CLASP1: variants seen among roughly 807,000 people sequenced by gnomAD.
CLASP1 encodes CLIP-associating protein 1.
CLASP1 carries 38 observed loss-of-function variants against 192.3 expected under a neutral mutation model. That is an observed-to-expected ratio of 0.20 (90% CI 0.15 to 0.26). The LOEUF (loss-of-function observed/expected upper bound fraction) is 0.26. Among genes scored for constraint, CLASP1 ranks in the 10% least tolerant of loss-of-function variants. The pLI is 1.00. For missense variants in CLASP1, 1,433 were observed against 1,932.5 expected (o/e 0.74, Z 4.85); for synonymous variants, 691 against 712.8 (o/e 0.97, Z 0.49).
At chr2:121,543,624 G>A (rs1056006035) in intron 2 of CLASP1, among the ~76,000 whole-genome samples, 2 of 152,114 alleles carry the variant, frequency 1.3e-5, no homozygotes, top group Middle Eastern at 3.4e-3. Flanking sequence ...AGTCTCCCTA[G>A]ACTCCTCCAA....
intron 2 of CLASP1, among the ~76,000 whole-genome samples, chr2:121,574,418 T>C (rs1351202049): frequency 1.3e-5 from 2 of 151,284 alleles, no homozygotes; most frequent in Non-Finnish European, 2.9e-5. Flanking sequence ...GTGGATCACC[T>C]GAGGTCAGGA....
intron 6 of CLASP1, among the ~76,000 whole-genome samples, chr2:121,522,289 T>C (rs1393195458): frequency 6.6e-6 from 1 of 152,130 alleles, no homozygotes; most frequent in Admixed American, 6.5e-5. Flanking sequence ...ACCAACCTCA[T>C]CTTATGGATG....
chr2:121,378,875 A>G (rs943675223), intron 33 of CLASP1, among the ~76,000 whole-genome samples: 1 of 152,108 alleles, frequency 6.6e-6, no homozygotes, highest in African/African-American at 2.4e-5. Flanking sequence ...CCTAAGGGCA[A>G]CACAACCAAT....
At chr2:121,555,383 TG>T (rs2105227640) in intron 2 of CLASP1, among the ~76,000 whole-genome samples, 1 of 152,344 alleles carries the variant, frequency 6.6e-6, no homozygotes, top group South Asian at 2.1e-4. Context: ...CAGGCTCATT[TG>T]TGACCTCTGA....
chr2:121,387,344 GT>G (rs911957870), intron 31 of CLASP1, 116 bp from the exon 33 acceptor site: 922 of 654,306 alleles, frequency 1.4e-3, no homozygotes, highest in South Asian at 1.9e-3. Context: ...GCCCAGGATG[GT>G]TTTTTTTTTC....
At chr2:121,586,991 C>T (rs1030618952) in intron 2 of CLASP1, among the ~76,000 whole-genome samples, 1 of 152,164 alleles carries the variant, frequency 6.6e-6, no homozygotes, top group African/African-American at 2.4e-5. Flanking sequence ...ACCTGTAATC[C>T]CAACACTTTG....
At chr2:121,548,427 A>G (rs941832897) in intron 2 of CLASP1, among the ~76,000 whole-genome samples, 9 of 152,242 alleles carry the variant, frequency 5.9e-5, no homozygotes, top group African/African-American at 2.2e-4. Flanking sequence ...AAGAAGCCAA[A>G]TCTATGAAAA....
intron 1 of CLASP1, among the ~76,000 whole-genome samples, chr2:121,631,084 G>A (rs1436897941): frequency 2.1e-5 from 3 of 145,136 alleles, no homozygotes; most frequent in Non-Finnish European, 4.5e-5. Flanking sequence ...GCATGAACCC[G>A]GGAGGTGGAG....
At chr2:121,404,317 A>G in intron 26 of CLASP1, 54 bp downstream of exon 27, 1 of 1,593,054 alleles carries the variant, frequency 6.3e-7, no homozygotes. Context: ...TATATCACAC[A>G]GAGCACACAG....
chr2:121,486,638 C>T (rs757604183), intron 8 of CLASP1, among the ~76,000 whole-genome samples: 12 of 152,196 alleles, frequency 7.9e-5, no homozygotes, highest in Non-Finnish European at 1.8e-4. Flanking sequence ...ACAATCACTA[C>T]ATAGGCACAA....
intron 2 of CLASP1, among the ~76,000 whole-genome samples, chr2:121,564,880 GT>G: frequency 6.6e-6 from 1 of 152,326 alleles, no homozygotes; most frequent in African/African-American, 2.4e-5. Flanking sequence ...CCCTAAATAA[GT>G]TCTGGGTTCC....
chr2:121,509,846 G>A (rs13388913), intron 7 of CLASP1, among the ~76,000 whole-genome samples: 19,573 of 151,926 alleles, frequency 0.13, 1,722 homozygotes, highest in African/African-American at 0.24. Context: ...TCAAAAAAAT[G>A]TTTTTAATTT....
intron 2 of CLASP1, among the ~76,000 whole-genome samples, chr2:121,604,704 A>C (rs989971404): frequency 1.3e-5 from 2 of 152,230 alleles, no homozygotes; most frequent in Non-Finnish European, 2.9e-5. Context: ...GATAAATTTT[A>C]TATCCAGTGA....
rs1041777982 is a variant in CLASP1, at chr2:121,578,445, A to G, written c.195+27256T>C. Among the ~76,000 whole-genome samples the G allele has an allele frequency of 2.2e-5, 3 of 139,300 alleles. No individual in the cohort carries two copies. The East Asian group carries it at 6.4e-4, about 30-fold the overall frequency. 91.4% of individuals were successfully genotyped at this position (139,300 alleles called of 152,430 possible). A position where few individuals can be genotyped will look rare whatever the true frequency, so the allele number is the denominator to read the frequency against. ...TCCAAAAAAAAAAAAAAAAAAAAAAAAGGGCCAGGTGCAGTGGCTCATGCC... is the reference window on the plus strand; with the variant it reads ...TCCAAAAAAAAAAAAAAAAAAAAAAGAGGGCCAGGTGCAGTGGCTCATGCC... On this transcript the variant is annotated intron_variant, in intron 2 of 39. Transcript: ENST00000263710.
chr2:121,643,386 T>C (rs1165397917), intron 1 of CLASP1, among the ~76,000 whole-genome samples: 1 of 152,126 alleles, frequency 6.6e-6, no homozygotes, highest in African/African-American at 2.4e-5. Context: ...GGAAACAGCA[T>C]GGTTCACGTG....
intron 6 of CLASP1, among the ~76,000 whole-genome samples, chr2:121,520,861 G>C (rs1257780163): frequency 2.6e-5 from 4 of 152,200 alleles, no homozygotes; most frequent in African/African-American, 9.7e-5. Context: ...AGGAAGAAAA[G>C]CTTCCCTCAG....
intron 1 of CLASP1, among the ~76,000 whole-genome samples, chr2:121,635,040 A>G (rs1013952261): frequency 6.6e-6 from 1 of 152,060 alleles, no homozygotes; most frequent in Non-Finnish European, 1.5e-5. Context: ...CTCTTGTTAA[A>G]TCAGTCTCTT....
intron 3 of CLASP1, 50 bp downstream of exon 3, chr2:121,530,197 G>A: frequency 6.7e-7 from 1 of 1,490,080 alleles, no homozygotes. Flanking sequence ...GCCGAGGGAA[G>A]GCTGGGGGTC....
intron 1 of CLASP1, among the ~76,000 whole-genome samples, chr2:121,646,585 A>G (rs2073211995): frequency 6.6e-6 from 1 of 152,246 alleles, no homozygotes; most frequent in African/African-American, 2.4e-5. Context: ...TACCAACAGT[A>G]CTACAAAATA....
Sources: gnomAD v4.1 joint callset for allele counts (sites outside exome capture counted in the v4.1 genomes callset) on GRCh38, gnomAD v4.1.1 for gene constraint, MANE v1.5 for transcripts, NCBI Gene and HGNC (gene_info 2026-07-23, HGNC 2026-07-21) for gene names.